Variants in RNF212 observed in about 807,000 individuals in gnomAD.
The protein encoded by RNF212 is probable E3 SUMO-protein ligase RNF212.
Under a neutral mutation model 34.7 loss-of-function variants are expected in RNF212, and 33 were observed. The observed-to-expected ratio is 0.95, with a 90% CI of 0.72 to 1.27. The LOEUF (loss-of-function observed/expected upper bound fraction) is 1.27. RNF212 is among the 50% of genes most tolerant of loss of function. The pLI, the probability that RNF212 is intolerant of heterozygous loss-of-function variation, is 0.00. For missense variants in RNF212, 377 were observed against 362.2 expected (o/e 1.04, Z -0.33); for synonymous variants, 140 against 136.1 (o/e 1.03, Z -0.20).
chr4:1,088,134 G>T (rs1721633268), intron 4 of RNF212, among the ~76,000 whole-genome samples: 1 of 152,218 alleles, frequency 6.6e-6, no homozygotes, highest in African/African-American at 2.4e-5. Context: ...ACAGAAAGGT[G>T]TGAGAAAGTT....
chr4:1,099,899 G>T, intron 2 of RNF212: 2 of 456,092 alleles, frequency 4.4e-6, no homozygotes, highest in Non-Finnish European at 8.8e-6. Context: ...TGCTGTTGGT[G>T]ACTCGCTGTC....
At chr4:1,093,469 G>A (rs1411867007) in intron 3 of RNF212, 13 of 1,447,700 alleles carry the variant, frequency 9.0e-6, no homozygotes, top group South Asian at 4.3e-5. Context: ...TCCACCCTGC[G>A]TTTGTGATGC....
At chr4:1,079,771 T>C (rs1399704708) in intron 7 of RNF212, 83 bp from the exon 8 acceptor site, 1 of 931,180 alleles carries the variant, frequency 1.1e-6, no homozygotes, top group Non-Finnish European at 1.8e-6. Flanking sequence ...CATGACGAGA[T>C]GATGTGTAAA....
chr4:1,088,804 T>C (rs904808569), intron 4 of RNF212, among the ~76,000 whole-genome samples: 18 of 152,246 alleles, frequency 1.2e-4, no homozygotes, highest in African/African-American at 4.1e-4. Flanking sequence ...AAGGTACAAT[T>C]TGGGCTGCTG....
At chr4:1,071,417 G>C (rs2153035348), downstream of RNF212, 1 of 152,090 alleles carries the variant, frequency 6.6e-6, no homozygotes, top group South Asian at 2.1e-4. Context: ...AAAACTAGAA[G>C]AATTCTGTTC....
At chr4:1,111,056 T>A (rs1725579615) in intron 1 of RNF212, among the ~76,000 whole-genome samples, 1 of 152,174 alleles carries the variant, frequency 6.6e-6, no homozygotes. Flanking sequence ...CACACGCGTC[T>A]CCATCATTCC....
intron 3 of RNF212, among the ~76,000 whole-genome samples, 182 bp from the exon 4 acceptor site, chr4:1,091,020 C>T (rs1209810407): frequency 6.6e-6 from 1 of 152,246 alleles, no homozygotes; most frequent in Non-Finnish European, 1.5e-5. Context: ...AGGGCAAACA[C>T]AGGGGAGGCT....
chr4:1,088,703 G>A (rs538910802), intron 4 of RNF212, among the ~76,000 whole-genome samples: 2 of 152,334 alleles, frequency 1.3e-5, no homozygotes, highest in Admixed American at 1.3e-4. Context: ...TATGGGCCGG[G>A]CCAAGGCCCC....
At chr4:1,064,409 A>G (rs1717954317) in intron 3 of RNF212, among the ~76,000 whole-genome samples, 1 of 152,226 alleles carries the variant, frequency 6.6e-6, no homozygotes, top group South Asian at 2.1e-4. Context: ...CAGGAGAACT[A>G]AAACGTGTAT....
chr4:1,096,750 C>G lies in RNF212; in HGVS notation c.246+15G>C. On this transcript the variant is annotated intron_variant, in intron 3 of 9. Transcript: ENST00000433731. ...TGGCTCATCACGGAACCAAGCCACACCCCTCACAGCTCACCTGGGAGGTTT... is the reference window on the plus strand; with the variant it reads ...TGGCTCATCACGGAACCAAGCCACAGCCCTCACAGCTCACCTGGGAGGTTT... 1 of 1,603,048 alleles carries G rather than the reference C, an allele frequency of 6.2e-7. No individual in the cohort carries two copies. Among genetic ancestry groups the G allele is most frequent in the Non-Finnish European group, 8.5e-7 (1 of 1,169,890 alleles).
intron 1 of RNF212, among the ~76,000 whole-genome samples, chr4:1,110,429 A>G (rs1362290242): frequency 6.6e-6 from 1 of 152,186 alleles, no homozygotes; most frequent in African/African-American, 2.4e-5. Flanking sequence ...TTTCATGTGC[A>G]CATCCGCAGC....
intron 4 of RNF212, among the ~76,000 whole-genome samples, chr4:1,087,617 A>C (rs1721542476): frequency 6.7e-6 from 1 of 150,066 alleles, no homozygotes; most frequent in Non-Finnish European, 1.5e-5. Context: ...GGGGTGACAG[A>C]ATGGGGTTGA....
At chr4:1,095,947 G>C (rs1577768008) in intron 3 of RNF212, among the ~76,000 whole-genome samples, 1 of 70,206 alleles carries the variant, frequency 1.4e-5, no homozygotes, top group Non-Finnish European at 2.5e-5. Context: ...ATGGTCTCGG[G>C]ATAGCGCACC....
At chr4:1,070,161 C>T (rs537206999), downstream of RNF212, among the ~76,000 whole-genome samples, 87 of 150,608 alleles carry the variant, frequency 5.8e-4, no homozygotes, top group African/African-American at 2.0e-3. Context: ...TGCGCTGTGT[C>T]AGCGTGGACG....
chr4:1,094,001 G>A lies in RNF212; in HGVS notation c.246+2764C>T, dbSNP rs1365096184. 3 of 1,534,782 alleles carry A rather than the reference G, an allele frequency of 2.0e-6. No individual in the cohort carries two copies. The South Asian group carries it at 3.6e-5, about 18-fold the overall frequency. ...TAACTTGAGACGGCAACAGCCTCGG[G>A]AAAGCCTGAGATACTGTGGGTGATT... On this transcript the variant is annotated intron_variant, in intron 3 of 9. Coordinates refer to ENST00000433731, the MANE Select transcript of RNF212 (RefSeq NM_001131034.4).
At chr4:1,067,407 T>C (rs969916185), downstream of RNF212, among the ~76,000 whole-genome samples, 1 of 152,064 alleles carries the variant, frequency 6.6e-6, no homozygotes, top group Non-Finnish European at 1.5e-5. Context: ...AAAGTATAGA[T>C]TATAATAGAT....
intron 2 of RNF212, chr4:1,099,666 G>A (rs1723626498): frequency 6.8e-6 from 3 of 442,736 alleles, no homozygotes; most frequent in African/African-American, 4.0e-5. Context: ...TAAAAGGGGG[G>A]TGTGTGCGCC....
intron 8 of RNF212, among the ~76,000 whole-genome samples, chr4:1,075,401 G>A (rs1046981394): frequency 3.9e-5 from 6 of 152,246 alleles, no homozygotes; most frequent in Non-Finnish European, 7.3e-5. Flanking sequence ...GGAGGCCTTG[G>A]GAGGCTACAA....
At chr4:1,067,134 T>C (rs1718144098), downstream of RNF212, among the ~76,000 whole-genome samples, 1 of 152,214 alleles carries the variant, frequency 6.6e-6, no homozygotes, top group African/African-American at 2.4e-5. Context: ...TTAGGGCTAA[T>C]TTAACTTTAC....
Sources: gnomAD v4.1 joint callset for allele counts (sites outside exome capture counted in the v4.1 genomes callset) on GRCh38, gnomAD v4.1.1 for gene constraint, MANE v1.5 for transcripts, NCBI Gene and HGNC (gene_info 2026-07-23, HGNC 2026-07-21) for gene names.